The following CTNNA2 variants were observed in gnomAD, a reference collection of about 807,000 sequenced individuals.
CTNNA2 encodes the protein catenin alpha-2.
A neutral mutation model predicts 101.0 loss-of-function variants in CTNNA2; 42 were observed. The ratio of observed to expected loss-of-function variants is 0.42; its 90% CI spans 0.32 to 0.54. CTNNA2 has a LOEUF of 0.54. CTNNA2 is among the 20% of genes least tolerant of loss of function. The pLI is 0.14. For synonymous variants in CTNNA2, 450 were observed against 456.4 expected (o/e 0.99, Z 0.18); for missense variants, 871 against 1,223.1 (o/e 0.71, Z 4.29).
intron 1 of CTNNA2, among the ~76,000 whole-genome samples, chr2:79,575,172 A>G (rs1675711929): frequency 6.6e-6 from 1 of 152,164 alleles, no homozygotes; most frequent in African/African-American, 2.4e-5. Context: ...CTATGATGGA[A>G]TGTAATCTGG....
rs560377263 is a variant in CTNNA2, at chr2:79,989,938, ATTCGGAG to A, written c.1056+80144_1056+80150del. On this transcript the variant is annotated intron_variant, in intron 7 of 18. Coordinates refer to ENST00000402739, the MANE Select transcript of CTNNA2 (RefSeq NM_001282597.3). ...CTGAAATATAAATGAAGGCAAGGAA[ATTCGGAG>A]TTTGGTCTTCCGATTCATACCCCTA... 7.6e-4 allele frequency among the ~76,000 whole-genome samples: 116 copies of A among 152,298 alleles called. 1 individual carries two copies. The highest frequency in any genetic ancestry group is 6.2e-4 in the South Asian group (3 of 4,828).
intron 7 of CTNNA2, among the ~76,000 whole-genome samples, chr2:80,131,870 C>G (rs963827274): frequency 2.0e-5 from 3 of 152,112 alleles, no homozygotes; most frequent in African/African-American, 7.2e-5. Context: ...CTCCTGAAGA[C>G]AGGAGTTCGA....
chr2:80,597,213 A>G (rs1409187439), intron 15 of CTNNA2, among the ~76,000 whole-genome samples: 2 of 152,192 alleles, frequency 1.3e-5, no homozygotes, highest in African/African-American at 4.8e-5. Flanking sequence ...TGTGGAAAGG[A>G]TTCCCTATTT....
intron 7 of CTNNA2, among the ~76,000 whole-genome samples, chr2:80,063,380 C>T (rs1252904785): frequency 2.0e-5 from 3 of 152,144 alleles, no homozygotes; most frequent in African/African-American, 4.8e-5. Flanking sequence ...TTCCTATCTT[C>T]ACTGTTCAAT....
intron 2 of CTNNA2, among the ~76,000 whole-genome samples, chr2:79,679,798 T>C (rs1470321145): frequency 1.3e-5 from 2 of 152,112 alleles, no homozygotes; most frequent in African/African-American, 4.8e-5. Context: ...TCTCTTCTTA[T>C]TCTGGGTAAG....
chr2:80,088,281 A>T lies in CTNNA2; in HGVS notation c.1056+178484A>T, dbSNP rs547443068. On this transcript the variant is annotated intron_variant, in intron 7 of 18. Coordinates refer to ENST00000402739, the MANE Select transcript of CTNNA2 (RefSeq NM_001282597.3). ...CTATGTGTTTTACTGAAATCATCTT[A>T]TTAAACCCATATATGATTCCTACAA... Among the ~76,000 whole-genome samples, 4 of 152,148 alleles carry T rather than the reference A, an allele frequency of 2.6e-5. No homozygotes were observed. The East Asian group carries it at 7.7e-4, about 29-fold the overall frequency.
At chr2:79,335,715 T>C (rs1490472067) in intron 3 of CTNNA2, among the ~76,000 whole-genome samples, 1 of 152,220 alleles carries the variant, frequency 6.6e-6, no homozygotes, top group Non-Finnish European at 1.5e-5. Context: ...CTCTCATCTG[T>C]TGGGCAAAGA....
At chr2:79,782,417 A>G (rs1470982584) in intron 3 of CTNNA2, among the ~76,000 whole-genome samples, 3 of 152,128 alleles carry the variant, frequency 2.0e-5, no homozygotes, top group Non-Finnish European at 4.4e-5. Flanking sequence ...TTATATTTTT[A>G]GTAGATACAG....
At chr2:79,785,384 G>C (rs1674759442) in intron 3 of CTNNA2, among the ~76,000 whole-genome samples, 1 of 152,082 alleles carries the variant, frequency 6.6e-6, no homozygotes, top group Non-Finnish European at 1.5e-5. Flanking sequence ...GGACATTTCT[G>C]CTGTCTTGTG....
chr2:79,908,444 A>G (rs1044324617), intron 6 of CTNNA2, among the ~76,000 whole-genome samples: 2 of 151,934 alleles, frequency 1.3e-5, no homozygotes, highest in African/African-American at 4.8e-5. Flanking sequence ...CTGAGAGTGC[A>G]CCCCCAATGA....
chr2:79,827,252 T>G (rs1302067877), intron 3 of CTNNA2, among the ~76,000 whole-genome samples: 1 of 152,110 alleles, frequency 6.6e-6, no homozygotes, highest in African/African-American at 2.4e-5. Context: ...TTGGCCAGGC[T>G]GTCTCAAACT....
chr2:80,536,968 A>T (rs958874321), intron 9 of CTNNA2, among the ~76,000 whole-genome samples: 1 of 152,256 alleles, frequency 6.6e-6, no homozygotes, highest in Admixed American at 6.5e-5. Context: ...CAGGCTTGTT[A>T]CATAGGTATA....
chr2:80,415,978 C>A (rs542071701), intron 8 of CTNNA2, among the ~76,000 whole-genome samples: 1 of 151,986 alleles, frequency 6.6e-6, no homozygotes, highest in Non-Finnish European at 1.5e-5. Context: ...ATATATGGAA[C>A]CTAAAAACAA....
chr2:79,279,389 C>T (rs767906013), intron 2 of CTNNA2, among the ~76,000 whole-genome samples: 24 of 152,050 alleles, frequency 1.6e-4, no homozygotes, highest in Non-Finnish European at 2.8e-4. Context: ...TCTCAATATT[C>T]ATATCTTCCT....
At position 80,365,291 on chromosome 2, in the gene CTNNA2, C is replaced by G. The variant is rs377347117; in HGVS notation, c.1057-27920C>G. Among the ~76,000 whole-genome samples, 6 of 152,240 alleles carry G rather than the reference C, an allele frequency of 3.9e-5. No individual in the cohort carries two copies. In the East Asian group the frequency reaches 1.2e-3, roughly 29 times the overall value. On this transcript the variant is annotated intron_variant, in intron 7 of 18. Coordinates refer to ENST00000402739, the MANE Select transcript of CTNNA2 (RefSeq NM_001282597.3). ...AGCCACTTGGAGAGTAGCTTTCTTC[C>G]CATCAAAGAATGAGTAGTAGGCACC... is the stretch of plus-strand genomic sequence containing the variant.
intron 1 of CTNNA2, among the ~76,000 whole-genome samples, chr2:79,541,781 C>T (rs191354975): frequency 6.6e-6 from 1 of 152,052 alleles, no homozygotes; most frequent in Non-Finnish European, 1.5e-5. Context: ...TGTGCGCCAC[C>T]ACGCCCAACT....
At chr2:79,655,312 T>C (rs1558807813) in intron 2 of CTNNA2, among the ~76,000 whole-genome samples, 1 of 152,132 alleles carries the variant, frequency 6.6e-6, no homozygotes, top group Non-Finnish European at 1.5e-5. Context: ...AAAACAAACA[T>C]TGAGTAAATG....
intron 7 of CTNNA2, among the ~76,000 whole-genome samples, chr2:79,923,434 C>T (rs1686807329): frequency 6.6e-6 from 1 of 151,912 alleles, no homozygotes. Context: ...ATCTGGTGGT[C>T]TGCTTTTAAT....
At chr2:80,558,469 T>TGTGC in intron 12 of CTNNA2, among the ~76,000 whole-genome samples, 1 of 115,420 alleles carries the variant, frequency 8.7e-6, no homozygotes, top group Non-Finnish European at 2.1e-5. Flanking sequence ...TATATATGTG[T>TGTGC]GTGTGTGTGT....
Sources: gnomAD v4.1 joint callset for allele counts (sites outside exome capture counted in the v4.1 genomes callset) on GRCh38, gnomAD v4.1.1 for gene constraint, MANE v1.5 for transcripts, NCBI Gene and HGNC (gene_info 2026-07-23, HGNC 2026-07-21) for gene names.